Variants in FAR1 observed in about 807,000 individuals in gnomAD.
FAR1 encodes male sterility domain-containing protein 2.
Under a neutral mutation model 61.1 loss-of-function variants are expected in FAR1, and 22 were observed. The ratio of observed to expected loss-of-function variants is 0.36; its 90% CI spans 0.26 to 0.51. FAR1 has a LOEUF of 0.51. FAR1 is among the 20% of genes least tolerant of loss of function. The pLI, the probability that FAR1 is intolerant of heterozygous loss-of-function variation, is 0.95. For missense variants in FAR1, 359 were observed against 626.9 expected, an observed-to-expected ratio of 0.57 and a Z score of 4.56; for synonymous variants, 206 against 209.7, an observed-to-expected ratio of 0.98 and a Z score of 0.15.
chr11:13,695,086 A>G, intron 2 of FAR1, 132 bp downstream of exon 2: 1 of 708,888 alleles, frequency 1.4e-6, no homozygotes, highest in Non-Finnish European at 2.1e-6. Flanking sequence ...AAAACTTAGT[A>G]AGTTCCTACA....
chr11:13,674,768 T>G lies in FAR1; in HGVS notation c.-8+5962T>G, dbSNP rs189547883. Among the ~76,000 whole-genome samples the G allele has an allele frequency of 1.2e-3, 182 of 152,356 alleles. 1 individual carries two copies. Among genetic ancestry groups the G allele is most frequent in the Admixed American group, 2.0e-3 (31 of 15,308 alleles). ...AAATAAAGTACCGTCAAAAAGATGTTGAAGTTTCATTGAAAAGTAGTTCTA... is the reference window on the plus strand; with the variant it reads ...AAATAAAGTACCGTCAAAAAGATGTGGAAGTTTCATTGAAAAGTAGTTCTA... On this transcript the variant is annotated intron_variant, in intron 1 of 11. Coordinates refer to ENST00000354817, the MANE Select transcript of FAR1 (RefSeq NM_032228.6).
intron 10 of FAR1, among the ~76,000 whole-genome samples, chr11:13,722,562 C>T (rs1848622289): frequency 6.6e-6 from 1 of 151,962 alleles, no homozygotes; most frequent in East Asian, 1.9e-4. Context: ...CAACCTCTGC[C>T]TCCCGGGTTC....
Position 13,700,314 on chromosome 11 carries a change from T to C in FAR1, c.190-3T>C. 1 of 1,561,432 alleles carries C rather than the reference T, an allele frequency of 6.4e-7. No homozygotes were observed. The highest frequency in any genetic ancestry group is 8.6e-7 in the Non-Finnish European group (1 of 1,161,850). ...TAAAATAAATATTTTTCCCTCTTGA[T>C]AGCTTTTTGACAGATTGAGAGATGA... is the stretch of plus-strand genomic sequence containing the variant. On this transcript the variant is annotated splice_region_variant and splice_polypyrimidine_tract_variant and intron_variant, in intron 2 of 11. Coordinates refer to ENST00000354817, the MANE Select transcript of FAR1 (RefSeq NM_032228.6).
chr11:13,700,236 T>C (rs780575823), intron 2 of FAR1, 81 bp from the exon 3 acceptor site: 1 of 1,031,888 alleles, frequency 9.7e-7, no homozygotes, highest in South Asian at 1.6e-5. Flanking sequence ...TAGTCATCCT[T>C]GGTGGGAAAA....
chr11:13,721,308 T>C lies in FAR1; in HGVS notation c.1128-422T>C, dbSNP rs1848607437. On this transcript the variant is annotated intron_variant, in intron 9 of 11. Transcript: ENST00000354817. The surrounding 1 kb of genome is among the most constrained non-coding windows in gnomAD (Gnocchi z 4.2). ...GGAATTATAAATATAACACAGTATG[T>C]TATTAATTCACAGGAAATCTTAGCA... is the stretch of plus-strand genomic sequence containing the variant. The C allele has an allele frequency of 6.4e-6, 1 of 157,472 alleles. No individual in the cohort carries two copies. Among genetic ancestry groups the C allele is most frequent in the South Asian group, 1.9e-4 (1 of 5,322 alleles). The allele number at this position is 157,472 out of a possible 1,614,324, so 9.8% of individuals were successfully genotyped here. A position where few individuals can be genotyped will look rare whatever the true frequency, so the allele number is the denominator to read the frequency against.
chr11:13,727,730 A>G, intron 11 of FAR1, 47 bp downstream of exon 11: 1 of 1,532,834 alleles, frequency 6.5e-7, no homozygotes, highest in South Asian at 1.2e-5. Flanking sequence ...TCCTTATGAA[A>G]TATTCCACAA....
At chr11:13,722,260 A>G (rs1848617695) in intron 10 of FAR1, among the ~76,000 whole-genome samples, 1 of 151,976 alleles carries the variant, frequency 6.6e-6, no homozygotes, top group Non-Finnish European at 1.5e-5. Flanking sequence ...GCCCTTTGTT[A>G]CTTTGGAACT....
rs1848727809 is a variant in FAR1, at chr11:13,731,666, A to C, written c.*2892A>C. On this transcript the variant is annotated 3_prime_UTR_variant, in exon 12 of 12. Coordinates refer to ENST00000354817, the MANE Select transcript of FAR1 (RefSeq NM_032228.6). ...GTTCCTTACACAGCATTTTAGGGAA[A>C]GAATACAGGCAGGATGACACTTTGT... 1 of 152,158 alleles carries C rather than the reference A, an allele frequency of 6.6e-6. No individual in the cohort carries two copies. Among genetic ancestry groups the C allele is most frequent in the Non-Finnish European group, 1.5e-5 (1 of 68,026 alleles). The allele number at this position is 152,158 out of a possible 1,614,324, so 9.4% of individuals were successfully genotyped here. A position where few individuals can be genotyped will look rare whatever the true frequency, so the allele number is the denominator to read the frequency against.
chr11:13,686,138 C>T (rs907135834), intron 1 of FAR1, among the ~76,000 whole-genome samples: 5 of 152,148 alleles, frequency 3.3e-5, no homozygotes, highest in Admixed American at 6.5e-5. Flanking sequence ...CCCGTATAGA[C>T]GTGCTGAGGG....
At chr11:13,674,712 A>G (rs1186197820) in intron 1 of FAR1, among the ~76,000 whole-genome samples, 1 of 152,236 alleles carries the variant, frequency 6.6e-6, no homozygotes, top group Non-Finnish European at 1.5e-5. Context: ...GAGTGAATAT[A>G]TGTTTTATTT....
In FAR1 at chr11:13,700,343, T is replaced by C. The variant is rs141912736; in HGVS notation, c.216T>C (p.Asn72=). 1.3e-6 allele frequency: 2 copies of C among 1,590,348 alleles called. No homozygotes were observed. The highest frequency in any genetic ancestry group is 1.7e-6 in the Non-Finnish European group (2 of 1,172,546). Residue 72 remains asparagine, a synonymous_variant, in exon 3 of 12, where the codon AAT becomes AAC. Coordinates refer to ENST00000354817, the MANE Select transcript of FAR1 (RefSeq NM_032228.6). ...GKLFDRLRDE[N]PDFREKIIAI... ...TTTTTGACAGATTGAGAGATGAAAA[T>C]CCAGATTTTAGAGAGAAAATTATAG... is the stretch of plus-strand genomic sequence containing the variant.
intron 8 of FAR1, among the ~76,000 whole-genome samples, chr11:13,714,152 A>G (rs1022487331): frequency 1.3e-5 from 2 of 151,590 alleles, no homozygotes; most frequent in Admixed American, 1.3e-4. Context: ...AAGTAAGTAC[A>G]GTAATAAGAG....
At chr11:13,671,495 ATAGT>A (rs1194832394) in intron 1 of FAR1, among the ~76,000 whole-genome samples, 1 of 152,178 alleles carries the variant, frequency 6.6e-6, no homozygotes, top group Non-Finnish European at 1.5e-5. Flanking sequence ...AAAATATTTG[ATAGT>A]TATAGGAGAA....
chr11:13,707,713 A>G (rs922985329), intron 3 of FAR1, among the ~76,000 whole-genome samples, 187 bp from the exon 4 acceptor site: 11 of 152,202 alleles, frequency 7.2e-5, no homozygotes, highest in South Asian at 2.1e-4. Context: ...TTTATAATCA[A>G]ATTTTTTTAA....
chr11:13,681,979 C>T (rs371535952), intron 1 of FAR1, among the ~76,000 whole-genome samples: 1 of 152,142 alleles, frequency 6.6e-6, no homozygotes, highest in African/African-American at 2.4e-5. Context: ...GTTATGTGCT[C>T]TTCTTCACTT....
At chr11:13,703,843 A>G (rs1848403839) in intron 3 of FAR1, among the ~76,000 whole-genome samples, 1 of 152,142 alleles carries the variant, frequency 6.6e-6, no homozygotes, top group Admixed American at 6.5e-5. Context: ...CAGGAGTTCA[A>G]GACCAGCCTG....
chr11:13,685,227 A>G (rs933752849), intron 1 of FAR1, among the ~76,000 whole-genome samples: 40 of 152,192 alleles, frequency 2.6e-4, no homozygotes, highest in African/African-American at 8.4e-4. Context: ...GCCTCTGGAA[A>G]TGGCCCTCAG....
chr11:13,716,803 T>A (rs12274685), intron 9 of FAR1, among the ~76,000 whole-genome samples: 5,377 of 152,216 alleles, frequency 0.035, 124 homozygotes, highest in Non-Finnish European at 0.047. Context: ...GCACATTTTT[T>A]AAAAATACTT....
At chr11:13,723,289 C>T (rs922255398) in intron 10 of FAR1, 15 of 332,668 alleles carry the variant, frequency 4.5e-5, no homozygotes, top group African/African-American at 1.7e-4. Context: ...CAGTTGAGCC[C>T]GGGAGGTCAA....
Sources: allele counts gnomAD v4.1 joint callset (sites outside exome capture counted in the v4.1 genomes callset), GRCh38; gene constraint gnomAD v4.1.1; non-coding constraint Gnocchi (gnomAD v3.1); transcripts MANE v1.5; gene names NCBI Gene and HGNC (gene_info 2026-07-23, HGNC 2026-07-21).